The following PLD1 variants were observed in gnomAD, a reference collection of about 807,000 sequenced individuals.
PLD1 encodes the protein phospholipase D1, also known as choline phosphatase 1.
In PLD1, 112 loss-of-function variants were observed where a neutral mutation model predicts 137.1. The observed-to-expected ratio is 0.82, with a 90% CI of 0.70 to 0.96. The LOEUF (loss-of-function observed/expected upper bound fraction) is 0.96, where lower values mean the gene tolerates loss of function less well. Ranked by LOEUF, PLD1 falls within the 40% of genes least tolerant of loss-of-function variation. The probability of loss-of-function intolerance (pLI) is 0.00; values close to 1 mark genes in which losing one functional copy is unlikely to be tolerated. For missense variants in PLD1, 1,321 were observed against 1,342.0 expected, an observed-to-expected ratio of 0.98 and a Z score of 0.24; for synonymous variants, 431 against 454.7, an observed-to-expected ratio of 0.95 and a Z score of 0.66.
chr3:171,620,440 G>C lies in PLD1; in HGVS notation c.2674C>G (p.Leu892Val). Residue 892 changes from leucine to valine, a missense_variant, in exon 24 of 27, where the codon CTT (leucine) becomes GTT (valine). Coordinates refer to ENST00000351298, the MANE Select transcript of PLD1 (RefSeq NM_002662.5). ...AACAACTTGCTGTGGACATAGATAA[G>C]CTCAGTTACTAGGTTTCCTTCGAGC... ...AELEGNLVTE[L>V]IYVHSKLLIA... The C allele has an allele frequency of 6.3e-7, 1 of 1,599,690 alleles. No individual in the cohort carries two copies. Among genetic ancestry groups the C allele is most frequent in the African/African-American group, 1.3e-5 (1 of 74,750 alleles).
At chr3:171,637,144 T>C (rs1735195250) in intron 23 of PLD1, among the ~76,000 whole-genome samples, 1 of 152,214 alleles carries the variant, frequency 6.6e-6, no homozygotes, top group South Asian at 2.1e-4. Flanking sequence ...TGATGTATAA[T>C]CCTTTTTATA....
At chr3:171,720,775 G>A (rs1283487805) in intron 8 of PLD1, among the ~76,000 whole-genome samples, 2 of 152,102 alleles carry the variant, frequency 1.3e-5, no homozygotes, top group Admixed American at 1.3e-4. Flanking sequence ...AGGGAGGATC[G>A]TATCTTTTTA....
At chr3:171,790,286 C>A (rs1723164394) in intron 1 of PLD1, among the ~76,000 whole-genome samples, 1 of 152,176 alleles carries the variant, frequency 6.6e-6, no homozygotes, top group East Asian at 1.9e-4. Flanking sequence ...GCTTGTTTAG[C>A]CAGTCCCACA....
chr3:171,660,902 C>T (rs561893048), intron 20 of PLD1, among the ~76,000 whole-genome samples: 2 of 152,248 alleles, frequency 1.3e-5, no homozygotes, highest in South Asian at 4.1e-4. Context: ...AGCCACCGTG[C>T]CCGGCCAGAA....
intron 23 of PLD1, among the ~76,000 whole-genome samples, chr3:171,640,082 T>C (rs913974939): frequency 1.3e-5 from 2 of 151,908 alleles, no homozygotes; most frequent in Non-Finnish European, 2.9e-5. Context: ...CACCTAAAGT[T>C]TGTCAACTTT....
intron 1 of PLD1, among the ~76,000 whole-genome samples, chr3:171,800,608 C>T (rs1560309925): frequency 6.6e-6 from 1 of 152,208 alleles, no homozygotes; most frequent in Admixed American, 6.5e-5. Flanking sequence ...AGTCTGCTGT[C>T]TACATCCCTG....
intron 1 of PLD1, among the ~76,000 whole-genome samples, chr3:171,791,606 T>A (rs1723213967): frequency 6.6e-6 from 1 of 152,052 alleles, no homozygotes; most frequent in Non-Finnish European, 1.5e-5. Context: ...ACAAGAAACA[T>A]CAAACAGGAA....
intron 1 of PLD1, among the ~76,000 whole-genome samples, chr3:171,784,339 T>C (rs1333336142): frequency 1.3e-5 from 2 of 148,494 alleles, no homozygotes; most frequent in African/African-American, 2.5e-5. Flanking sequence ...TTTAAAAACA[T>C]GTAAGCACTA....
chr3:171,787,333 G>A (rs1481220502), intron 1 of PLD1, among the ~76,000 whole-genome samples: 1 of 152,134 alleles, frequency 6.6e-6, no homozygotes, highest in Non-Finnish European at 1.5e-5. Flanking sequence ...GATTTGTTAT[G>A]TTGGAATAGA....
chr3:171,747,171 G>A (rs1208009725), intron 1 of PLD1, among the ~76,000 whole-genome samples: 1 of 152,118 alleles, frequency 6.6e-6, no homozygotes, highest in Non-Finnish European at 1.5e-5. Context: ...ACAAACTCCG[G>A]ACACACCATC....
chr3:171,650,888 C>CA (rs1736687536), intron 21 of PLD1, among the ~76,000 whole-genome samples: 8 of 150,638 alleles, frequency 5.3e-5, no homozygotes, highest in African/African-American at 2.0e-4. Context: ...GGCGACAGAG[C>CA]GAGAATCCGT....
chr3:171,723,823 A>AT (rs199979468), intron 8 of PLD1, among the ~76,000 whole-genome samples: 2,150 of 152,060 alleles, frequency 0.014, 52 homozygotes, highest in African/African-American at 0.046. Flanking sequence ...AGATTATTAG[A>AT]TTTTTTTCCT....
intron 24 of PLD1, among the ~76,000 whole-genome samples, chr3:171,613,545 T>A (rs1410706387): frequency 6.6e-6 from 1 of 152,218 alleles, no homozygotes; most frequent in Non-Finnish European, 1.5e-5. Flanking sequence ...AAATACAGAT[T>A]GTCATTTGTG....
intron 26 of PLD1, among the ~76,000 whole-genome samples, chr3:171,604,750 T>C (rs1732076011): frequency 6.6e-6 from 1 of 152,238 alleles, no homozygotes. Context: ...ACATGTCTTG[T>C]TATTAATATT....
intron 1 of PLD1, among the ~76,000 whole-genome samples, chr3:171,788,189 A>T (rs1723079721): frequency 6.7e-6 from 1 of 148,598 alleles, no homozygotes; most frequent in Non-Finnish European, 1.5e-5. Flanking sequence ...GCAAAAATCC[A>T]TCTCAAAAAA....
At chr3:171,689,291 T>C (rs780444254) in intron 13 of PLD1, among the ~76,000 whole-genome samples, 1 of 152,168 alleles carries the variant, frequency 6.6e-6, no homozygotes, top group South Asian at 2.1e-4. Flanking sequence ...ATTTTATCAG[T>C]CATTGAATTG....
chr3:171,661,989 GA>G, intron 20 of PLD1, 70 bp downstream of exon 20: 1 of 814,542 alleles, frequency 1.2e-6, no homozygotes, highest in Non-Finnish European at 2.1e-6. Flanking sequence ...TAAGTTTGGG[GA>G]CCCTGAAATC....
chr3:171,733,545 G>C (rs1052512328), intron 5 of PLD1, 36 bp from the exon 6 acceptor site: 2 of 785,794 alleles, frequency 2.5e-6, no homozygotes, highest in Non-Finnish European at 4.4e-6. Context: ...TGTTAACATG[G>C]TCATATTTAT....
intron 1 of PLD1, among the ~76,000 whole-genome samples, chr3:171,772,164 A>G (rs2108331967): frequency 1.3e-5 from 2 of 152,344 alleles, no homozygotes; most frequent in Non-Finnish European, 1.5e-5. Flanking sequence ...TTTTAACACA[A>G]TGTGTTCACA....
Sources: allele counts gnomAD v4.1 joint callset (sites outside exome capture counted in the v4.1 genomes callset), GRCh38; gene constraint gnomAD v4.1.1; transcripts MANE v1.5; gene names NCBI Gene and HGNC (gene_info 2026-07-23, HGNC 2026-07-21).